PTPN23: variants seen among roughly 807,000 people sequenced by gnomAD.
PTPN23 encodes the protein tyrosine-protein phosphatase non-receptor type 23.
Under a neutral mutation model 156.3 loss-of-function variants are expected in PTPN23, and 72 were observed. The ratio of observed to expected loss-of-function variants is 0.46; its 90% CI spans 0.38 to 0.56. The LOEUF (loss-of-function observed/expected upper bound fraction) is 0.56, where lower values mean the gene tolerates loss of function less well. PTPN23 is among the 20% of genes least tolerant of loss of function. The pLI is 0.00. For synonymous variants in PTPN23, 957 were observed against 899.6 expected (o/e 1.06, Z -1.14); for missense variants, 1,974 against 2,171.5 (o/e 0.91, Z 1.81).
In PTPN23 at chr3:47,411,723, G is replaced by A. The variant is rs752830909; in HGVS notation, c.3888+37G>A. On this transcript the variant is annotated intron_variant, in intron 20 of 24. Coordinates refer to ENST00000265562, the MANE Select transcript of PTPN23 (RefSeq NM_015466.4). The surrounding 1 kb of genome is among the most constrained non-coding windows in gnomAD (Gnocchi z 6.3). ...GGGTGGGTGCCCACGAGGGCAGTGT[G>A]GGGTGGCAGGGCAGGGGATCCTGGA... 1 of 1,594,402 alleles carries A rather than the reference G, an allele frequency of 6.3e-7. No homozygotes were observed.
intron 1 of PTPN23, 24 bp downstream of exon 1, chr3:47,381,204 C>T (rs988627514): frequency 6.4e-7 from 1 of 1,561,932 alleles, no homozygotes; most frequent in Admixed American, 1.9e-5. Flanking sequence ...CCATCTTCCC[C>T]CCTATCCGCC....
At position 47,405,836 on chromosome 3, in the gene PTPN23, C is replaced by T. The variant is rs1052554490; in HGVS notation, c.414+38C>T. 1 of 1,589,112 alleles carries T rather than the reference C, an allele frequency of 6.3e-7. No individual in the cohort carries two copies. The highest frequency in any genetic ancestry group is 2.2e-5 in the East Asian group (1 of 44,668). ...GCAGTAGTGGAACATGTGGACATAC[C>T]AGGGAGGGGCAGCCTCCCAAGTATG... On this transcript the variant is annotated intron_variant, in intron 5 of 24. Transcript: ENST00000265562. The surrounding 1 kb of genome is among the most constrained non-coding windows in gnomAD (Gnocchi z 4.7).
At chr3:47,404,407 C>CTT (rs10647488) in intron 2 of PTPN23, among the ~76,000 whole-genome samples, 51,520 of 140,534 alleles carry the variant, frequency 0.37, 9,927 homozygotes, top group Middle Eastern at 0.49. Context: ...GAATGAGACT[C>CTT]TTTTTTTTTT....
intron 1 of PTPN23, among the ~76,000 whole-genome samples, chr3:47,383,238 A>C (rs1291001007): frequency 4.6e-5 from 7 of 152,120 alleles, no homozygotes; most frequent in African/African-American, 1.4e-4. Context: ...GCCGTTGGTC[A>C]TGGAATTCCT....
In PTPN23 at chr3:47,412,276, G is replaced by C; in HGVS notation, c.4179-7G>C. ...TACCCCGGCCTCATAACCCCTTCTT[G>C]GCACAGCTCTGGTGTGGGCCGCACG... On this transcript the variant is annotated splice_region_variant and splice_polypyrimidine_tract_variant and intron_variant, in intron 22 of 24. Coordinates refer to ENST00000265562, the MANE Select transcript of PTPN23 (RefSeq NM_015466.4). 1 of 1,613,032 alleles carries C rather than the reference G, an allele frequency of 6.2e-7. No individual in the cohort carries two copies. Among genetic ancestry groups the C allele is most frequent in the Non-Finnish European group, 8.5e-7 (1 of 1,179,606 alleles).
rs148428184 is a variant in PTPN23, at chr3:47,407,529, C to T, written c.948C>T (p.Asn316=). The T allele has an allele frequency of 1.2e-4, 186 of 1,613,944 alleles. No individual in the cohort carries two copies. In the Middle Eastern group the frequency reaches 2.1e-3, roughly 19 times the overall value. ...GGKYNSAKKD[N]DFIYHEAVPA... Reference sequence around the variant, plus strand: ...GGTACAATTCTGCCAAGAAGGACAACGACTTCATTTACCATGAGGCTGTCC... The same window carrying T: ...GGTACAATTCTGCCAAGAAGGACAATGACTTCATTTACCATGAGGCTGTCC... Residue 316 remains asparagine, a synonymous_variant, in exon 12 of 25, where the codon AAC becomes AAT. Coordinates refer to ENST00000265562, the MANE Select transcript of PTPN23 (RefSeq NM_015466.4). This position sits in a 1 kb window ranked among gnomAD's most constrained non-coding sequence, Gnocchi z 4.0.
intron 1 of PTPN23, among the ~76,000 whole-genome samples, chr3:47,395,290 C>T (rs1236733856): frequency 6.6e-6 from 1 of 152,214 alleles, no homozygotes; most frequent in Non-Finnish European, 1.5e-5. Flanking sequence ...TGGTCATGGC[C>T]TTAAGGAGCC....
chr3:47,409,350 G>A (rs1237917942), intron 17 of PTPN23, 33 bp downstream of exon 17: 1 of 1,613,274 alleles, frequency 6.2e-7, no homozygotes, highest in Admixed American at 1.7e-5. Flanking sequence ...AGGGGCTCTG[G>A]CTCCGGGCCC....
chr3:47,391,344 T>C (rs1051492465), intron 1 of PTPN23, among the ~76,000 whole-genome samples: 14 of 152,182 alleles, frequency 9.2e-5, no homozygotes, highest in Non-Finnish European at 2.1e-4. Flanking sequence ...AATGCCTGGG[T>C]TTCAGTCATA....
intron 2 of PTPN23, among the ~76,000 whole-genome samples, chr3:47,400,563 AATTTT>A (rs766026243): frequency 3.1e-4 from 47 of 152,162 alleles, no homozygotes; most frequent in Non-Finnish European, 5.0e-4. Context: ...GTACAAGACA[AATTTT>A]ATTTTATTAT....
At chr3:47,399,997 A>G (rs1173879742) in intron 2 of PTPN23, among the ~76,000 whole-genome samples, 2 of 151,986 alleles carry the variant, frequency 1.3e-5, no homozygotes, top group Non-Finnish European at 2.9e-5. Flanking sequence ...TTTTTTGTAG[A>G]CATGGAGTCT....
rs1436604132 is a variant in PTPN23 at position 47,404,648 on chromosome 3, C to A, written c.160-4C>A. 3 of 1,613,486 alleles carry A rather than the reference C, an allele frequency of 1.9e-6. No homozygotes were observed. The highest frequency in any genetic ancestry group is 1.7e-5 in the Admixed American group (1 of 59,998). Reference sequence around the variant, plus strand: ...AGGCCTGCTTCTCCCATCCTGCCCCCCAGAATGCTGTCCGTGTCCCACGAG... The same window carrying A: ...AGGCCTGCTTCTCCCATCCTGCCCCACAGAATGCTGTCCGTGTCCCACGAG... On this transcript the variant is annotated splice_polypyrimidine_tract_variant and splice_region_variant and intron_variant, in intron 2 of 24. Coordinates refer to ENST00000265562, the MANE Select transcript of PTPN23 (RefSeq NM_015466.4).
chr3:47,388,456 A>G lies in PTPN23; in HGVS notation c.84+7276A>G, dbSNP rs2107694279. ...CCTGGGCTTAAGTAGGTATATAAGT[A>G]TATACACCTACTATGTACCCACAAA... is the stretch of plus-strand genomic sequence containing the variant. On this transcript the variant is annotated intron_variant, in intron 1 of 24. Coordinates refer to ENST00000265562, the MANE Select transcript of PTPN23 (RefSeq NM_015466.4). 2.0e-5 allele frequency among the ~76,000 whole-genome samples: 3 copies of G among 152,166 alleles called. 1 individual carries two copies. In the East Asian group the frequency reaches 5.8e-4, roughly 29 times the overall value.
In PTPN23 at chr3:47,409,797, C is replaced by A; in HGVS notation, c.2092C>A (p.Gln698Lys). Residue 698 changes from glutamine (Q) to lysine (K), a missense_variant, in exon 19 of 25, where the codon CAG (glutamine) becomes AAG (lysine). Physicochemically the swap from Gln to Lys is moderately conservative, Grantham distance 53. Transcript: ENST00000265562. Reference protein sequence around the residue: ...ALLERTQSTCQAREAARQQLL... With the variant: ...ALLERTQSTCKAREAARQQLL... ...GCTGGAGCGCACGCAGTCCACCTGC[C>A]AGGCCCGCGAGGCTGCCCGCCAGCA... The A allele has an allele frequency of 6.2e-7, 1 of 1,609,034 alleles. No homozygotes were observed. The highest frequency in any genetic ancestry group is 8.5e-7 in the Non-Finnish European group (1 of 1,179,340).
In PTPN23 at chr3:47,398,764, T is replaced by C. The variant is rs114832689; in HGVS notation, c.159+2547T>C. 2.8e-3 allele frequency among the ~76,000 whole-genome samples: 433 copies of C among 152,218 alleles called. 2 individuals carry two copies. The highest frequency in any genetic ancestry group is 9.8e-3 in the African/African-American group (407 of 41,536). On this transcript the variant is annotated intron_variant, in intron 2 of 24. Transcript: ENST00000265562. ...ATTTTTTGTAGAGATGGGGTTCCCC[T>C]GTGTTGCCCAGGCTGGTCTCAAACT...
rs1314127920 is a variant in PTPN23 at position 47,410,534 on chromosome 3, G to A, written c.2736G>A (p.Val912=). ...TPAPPPPCFP[V]PPPQPLPTPY... is the part of the protein sequence containing the mutation. ...CTCCTCCCCCGCCCTGCTTCCCTGT[G>A]CCCCCACCGCAGCCACTGCCCACGC... The change falls in exon 20 of 25, where the codon GTG becomes GTA. Residue 912 remains valine (V), a synonymous_variant. Coordinates refer to ENST00000265562, the MANE Select transcript of PTPN23 (RefSeq NM_015466.4). 3.8e-6 allele frequency: 6 copies of A among 1,583,592 alleles called. No individual in the cohort carries two copies. In the South Asian group the frequency reaches 5.6e-5, roughly 15 times the overall value.
In PTPN23 at chr3:47,413,117, C is replaced by CAA; in HGVS notation, c.4843_4844insAA (p.Arg1615GlnfsTer99). ...GCAGGCCCATAACGGGCAAGGGCTGCGGGCCACCCGGCCCTCTGACGACCC... is the reference window on the plus strand; with the variant it reads ...GCAGGCCCATAACGGGCAAGGGCTGCAAGGGCCACCCGGCCCTCTGACGACCC... On this transcript the variant is annotated frameshift_variant, in exon 25 of 25. Coordinates refer to ENST00000265562, the MANE Select transcript of PTPN23 (RefSeq NM_015466.4). LOFTEE classifies it high-confidence loss of function. 2 of 1,612,866 alleles carry CAA rather than the reference C, an allele frequency of 1.2e-6. No individual in the cohort carries two copies. Among genetic ancestry groups the CAA allele is most frequent in the Non-Finnish European group, 1.7e-6 (2 of 1,180,002 alleles).
chr3:47,400,273 G>T (rs1397932096), intron 2 of PTPN23, among the ~76,000 whole-genome samples: 1 of 152,232 alleles, frequency 6.6e-6, no homozygotes, highest in Non-Finnish European at 1.5e-5. Flanking sequence ...TTGAATAGTT[G>T]TTTCTAGGAA....
In PTPN23 at chr3:47,413,233, G is replaced by A. The variant is rs780005638; in HGVS notation, c.*48G>A. 7 of 1,557,484 alleles carry A rather than the reference G, an allele frequency of 4.5e-6. No homozygotes were observed. Among genetic ancestry groups the A allele is most frequent in the Non-Finnish European group, 5.2e-6 (6 of 1,147,962 alleles). ...TTACACTACATCATCATCATCTCAT[G>A]CCCACCTGCCCACACCCAGCAGAGC... On this transcript the variant is annotated 3_prime_UTR_variant, in exon 25 of 25. Transcript: ENST00000265562.
Sources: gnomAD v4.1 joint callset for allele counts (sites outside exome capture counted in the v4.1 genomes callset) on GRCh38, gnomAD v4.1.1 for gene constraint, Gnocchi (gnomAD v3.1) non-coding constraint, MANE v1.5 for transcripts, NCBI Gene and HGNC (gene_info 2026-07-23, HGNC 2026-07-21) for gene names.